STARD8: variants seen among roughly 807,000 people sequenced by gnomAD.
STARD8 encodes StAR related lipid transfer domain containing 8.
Under a neutral mutation model 69.4 loss-of-function variants are expected in STARD8, and 25 were observed. The ratio of observed to expected loss-of-function variants is 0.36; its 90% CI spans 0.26 to 0.50. The LOEUF (loss-of-function observed/expected upper bound fraction) is 0.50. STARD8 is among the 20% of genes least tolerant of loss of function. STARD8 has a pLI of 0.96. For synonymous variants in STARD8, 389 were observed against 374.6 expected, an observed-to-expected ratio of 1.04 and a Z score of -0.45; for missense variants, 921 against 932.5, an observed-to-expected ratio of 0.99 and a Z score of 0.16.
intron 2 of STARD8, among the ~76,000 whole-genome samples, chrX:68,672,721 C>CCCCCCCCG (rs2079737346): frequency 1.8e-5 from 2 of 111,132 alleles, no homozygotes; most frequent in African/African-American, 6.6e-5. Context: ...GCGCCCCACC[C>CCCCCCCCG]CCCATGGCAG....
At chrX:68,700,070 G>A (rs1053996376) in intron 2 of STARD8, among the ~76,000 whole-genome samples, 6 of 111,669 alleles carry the variant, frequency 5.4e-5, no homozygotes, top group Admixed American at 9.5e-5. Flanking sequence ...GGTGGGTGGA[G>A]GGAAGGGGAT....
chrX:68,722,068 C>T lies in STARD8; in HGVS notation c.2481C>T (p.Leu827=), dbSNP rs1423069088. ...PSPRIKSKRS[L]IGRPGPRDLS... ...CTAGGATCAAGAGCAAACGCAGCCT[C>T]ATTGGCAGGCCAGGCCCTAGGGACC... Residue 827 remains leucine, a synonymous_variant, in exon 11 of 15, where the codon CTC becomes CTT. Transcript: ENST00000374599. The T allele has an allele frequency of 6.6e-6, 8 of 1,203,171 alleles. No homozygotes were observed. The highest frequency in any genetic ancestry group is 7.9e-6 in the Non-Finnish European group (7 of 888,888).
intron 2 of STARD8, among the ~76,000 whole-genome samples, chrX:68,697,492 TC>T (rs1426229844): frequency 1.8e-5 from 2 of 112,151 alleles, no homozygotes; most frequent in African/African-American, 6.5e-5. Flanking sequence ...CACACTTGCT[TC>T]CCCAGTCCAG....
At chrX:68,660,515 C>T (rs912077610) in intron 1 of STARD8, among the ~76,000 whole-genome samples, 14 of 111,631 alleles carry the variant, frequency 1.3e-4, no homozygotes, top group African/African-American at 4.6e-4. Context: ...AAAGTGGCAC[C>T]GTGACACCAG....
At chrX:68,696,292 C>T (rs1337225948) in intron 2 of STARD8, among the ~76,000 whole-genome samples, 2 of 112,001 alleles carry the variant, frequency 1.8e-5, no homozygotes. Flanking sequence ...GGGTTGGGCA[C>T]ACAGTTGCTG....
intron 2 of STARD8, among the ~76,000 whole-genome samples, chrX:68,700,206 CTA>C (rs1466920981): frequency 8.9e-6 from 1 of 112,161 alleles, no homozygotes; most frequent in African/African-American, 3.2e-5. Flanking sequence ...ATGATGATGA[CTA>C]TGAGTCCTCC....
At chrX:68,663,784 T>A (rs1373662569) in intron 1 of STARD8, among the ~76,000 whole-genome samples, 4 of 112,093 alleles carry the variant, frequency 3.6e-5, no homozygotes, top group Non-Finnish European at 5.6e-5. Context: ...TTAATCATAG[T>A]TCCACTTTGT....
At chrX:68,705,426 C>G (rs758225155) in intron 2 of STARD8, among the ~76,000 whole-genome samples, 1 of 112,562 alleles carries the variant, frequency 8.9e-6, no homozygotes, top group Admixed American at 9.3e-5. Flanking sequence ...CACTGCTTCA[C>G]GGAGAGGAGC....
rs2080098804 is a variant in STARD8 at position 68,717,245 on chromosome X, A to G, written c.331A>G (p.Ile111Val). ...CTCAGAAGAGGAAGAGCAGTGTACC[A>G]TCAGTAGCCACTGGGCCTTCCAGCA... is the stretch of plus-strand genomic sequence containing the variant. ...EDSEEEEQCTISSHWAFQQES... is the reference protein window; with the variant it reads ...EDSEEEEQCTVSSHWAFQQES... Residue 111 changes from isoleucine to valine, a missense_variant, in exon 6 of 15, where the codon ATC (isoleucine) becomes GTC (valine). By Grantham distance (29) the Ile-to-Val change is conservative (BLOSUM62 3). Transcript: ENST00000374599. The G allele has an allele frequency of 8.3e-7, 1 of 1,202,569 alleles. No individual in the cohort carries two copies. Among genetic ancestry groups the G allele is most frequent in the Non-Finnish European group, 1.1e-6 (1 of 890,998 alleles).
At chrX:68,688,298 AG>A (rs944380626) in intron 2 of STARD8, among the ~76,000 whole-genome samples, 3 of 111,191 alleles carry the variant, frequency 2.7e-5, no homozygotes, top group Non-Finnish European at 5.7e-5. Context: ...GTCAGGAGAC[AG>A]GGGGGTGGTT....
rs1180587430 is a variant in STARD8 at position 68,719,209 on chromosome X, C to T, written c.1716-16C>T. ...CTCCTCTGGGCTTCTCCACCCCTCT[C>T]ACCGCCCCCCACCAGGAAGCTCCGT... is the stretch of plus-strand genomic sequence containing the variant. On this transcript the variant is annotated splice_polypyrimidine_tract_variant and intron_variant, in intron 6 of 14. Coordinates refer to ENST00000374599, the MANE Select transcript of STARD8 (RefSeq NM_001142503.3). The T allele has an allele frequency of 9.4e-6, 11 of 1,166,360 alleles. No homozygotes were observed. In the South Asian group the frequency reaches 1.4e-4, roughly 15 times the overall value.
chrX:68,654,009 C>CT (rs2079596457), intron 1 of STARD8, among the ~76,000 whole-genome samples: 1 of 111,665 alleles, frequency 9.0e-6, no homozygotes, highest in South Asian at 3.7e-4. Context: ...ACCATGACCT[C>CT]TGGATGACCT....
At chrX:68,690,979 C>A (rs1219779277) in intron 2 of STARD8, among the ~76,000 whole-genome samples, 2 of 111,913 alleles carry the variant, frequency 1.8e-5, no homozygotes, top group Admixed American at 1.9e-4. Flanking sequence ...CAGAGTCACA[C>A]AGCTAGTAAG....
At chrX:68,677,245 C>G (rs1268329462) in intron 2 of STARD8, among the ~76,000 whole-genome samples, 3 of 111,773 alleles carry the variant, frequency 2.7e-5, no homozygotes, top group Non-Finnish European at 5.6e-5. Flanking sequence ...AGATCAGCTT[C>G]AGCAAATTCT....
chrX:68,690,341 C>G (rs2079867150), intron 2 of STARD8, among the ~76,000 whole-genome samples: 1 of 110,201 alleles, frequency 9.1e-6, no homozygotes, highest in Non-Finnish European at 1.9e-5. Flanking sequence ...AAGAGTCTAT[C>G]TGGTTCCTTT....
At chrX:68,715,046 A>G (rs1222710164) in intron 3 of STARD8, among the ~76,000 whole-genome samples, 2 of 110,717 alleles carry the variant, frequency 1.8e-5, no homozygotes, top group Non-Finnish European at 3.8e-5. Flanking sequence ...TGGGCCTGCT[A>G]TCTCCCATGG....
intron 1 of STARD8, among the ~76,000 whole-genome samples, chrX:68,658,000 G>A (rs2079621200): frequency 1.8e-5 from 2 of 110,725 alleles, no homozygotes; most frequent in African/African-American, 6.6e-5. Flanking sequence ...ACTTCCTATG[G>A]CTATGGTGGA....
chrX:68,665,438 G>T (rs1180198950), intron 1 of STARD8, 61 bp from the exon 2 acceptor site: 1 of 1,142,294 alleles, frequency 8.8e-7, no homozygotes, highest in African/African-American at 1.8e-5. Context: ...CTTTAAGATC[G>T]CTTTCAGTTC....
chrX:68,713,871 T>C (rs955374903), intron 3 of STARD8, among the ~76,000 whole-genome samples: 2 of 112,185 alleles, frequency 1.8e-5, no homozygotes, highest in Admixed American at 1.9e-4. Flanking sequence ...AGATGTCTGA[T>C]TGGTGTCTCG....
Sources: gnomAD v4.1 joint callset for allele counts (sites outside exome capture counted in the v4.1 genomes callset) on GRCh38, gnomAD v4.1.1 for gene constraint, MANE v1.5 for transcripts, NCBI Gene and HGNC (gene_info 2026-07-23, HGNC 2026-07-21) for gene names.